FAT4: variants seen among roughly 807,000 people sequenced by gnomAD.
The protein encoded by FAT4 is protocadherin Fat 4.
Under a neutral mutation model 303.9 loss-of-function variants are expected in FAT4, and 84 were observed. The observed-to-expected ratio is 0.28, with a 90% CI of 0.23 to 0.33. FAT4 has a LOEUF of 0.33. Ranked by LOEUF, FAT4 falls within the 10% of genes least tolerant of loss-of-function variation. FAT4 has a pLI of 1.00. For missense variants in FAT4, 6,005 were observed against 6,146.8 expected, an observed-to-expected ratio of 0.98 and a Z score of 0.77; for synonymous variants, 2,307 against 2,298.8, an observed-to-expected ratio of 1.00 and a Z score of -0.10.
chr4:125,369,857 A>G (rs755703310), intron 2 of FAT4, among the ~76,000 whole-genome samples: 8 of 152,158 alleles, frequency 5.3e-5, no homozygotes, highest in Non-Finnish European at 1.2e-4. Context: ...AACTGATATA[A>G]ATGGAATCAT....
intron 2 of FAT4, among the ~76,000 whole-genome samples, chr4:125,385,891 T>C (rs772151381): frequency 1.3e-5 from 2 of 152,186 alleles, no homozygotes; most frequent in Non-Finnish European, 2.9e-5. Context: ...GTTGGTACTT[T>C]GGTTTTGACA....
chr4:125,482,309 A>G (rs899640651), intron 16 of FAT4, among the ~76,000 whole-genome samples: 3 of 152,196 alleles, frequency 2.0e-5, no homozygotes, highest in Admixed American at 2.0e-4. Context: ...TAATTTTTAA[A>G]TAATCTTAAA....
In FAT4 at chr4:125,451,933, G is replaced by A. The variant is rs1726094924; in HGVS notation, c.10923G>A (p.Gln3641=). 1 of 1,613,996 alleles carries A rather than the reference G, an allele frequency of 6.2e-7. No homozygotes were observed. Among genetic ancestry groups the A allele is most frequent in the South Asian group, 1.1e-5 (1 of 91,080 alleles). Residue 3641 remains glutamine (Q), a synonymous_variant, in exon 10 of 18, where the codon CAG becomes CAA. Coordinates refer to ENST00000394329, the MANE Select transcript of FAT4 (RefSeq NM_001291303.3). ...PGGILGSVKP[Q]DPDVLDSFHC... ...GGATTTTAGGCTCTGTGAAGCCACA[G>A]GATCCAGATGTGTTAGACAGCTTCC...
intron 8 of FAT4, 136 bp downstream of exon 8, chr4:125,434,561 C>A: frequency 1.6e-6 from 1 of 635,576 alleles, no homozygotes; most frequent in Non-Finnish European, 2.6e-6. Context: ...TTGCTGATAG[C>A]CAACAATTCA....
At chr4:125,364,369 C>A (rs1471712706) in intron 2 of FAT4, among the ~76,000 whole-genome samples, 1 of 152,058 alleles carries the variant, frequency 6.6e-6, no homozygotes, top group Non-Finnish European at 1.5e-5. Context: ...TGTGCTGGAC[C>A]TAGAAATTTA....
At chr4:125,372,042 G>A (rs1394782010) in intron 2 of FAT4, among the ~76,000 whole-genome samples, 1 of 151,982 alleles carries the variant, frequency 6.6e-6, no homozygotes, top group Non-Finnish European at 1.5e-5. Flanking sequence ...CAGTAAATAA[G>A]TCTTTTAAAA....
chr4:125,379,954 C>T (rs192883279), intron 2 of FAT4, among the ~76,000 whole-genome samples: 123 of 152,080 alleles, frequency 8.1e-4, no homozygotes, highest in African/African-American at 2.1e-3. Context: ...AGTGCAGTGG[C>T]GCGATCTGGG....
chr4:125,401,832 G>A (rs1734400820), intron 3 of FAT4, among the ~76,000 whole-genome samples: 1 of 151,574 alleles, frequency 6.6e-6, no homozygotes, highest in Non-Finnish European at 1.5e-5. Context: ...GTTCTAATAT[G>A]CATTTGAAAT....
intron 2 of FAT4, among the ~76,000 whole-genome samples, chr4:125,374,231 T>A (rs1342530212): frequency 1.3e-5 from 2 of 152,114 alleles, no homozygotes; most frequent in Non-Finnish European, 2.9e-5. Context: ...TTCTCCTACA[T>A]CCCTCGTTGT....
chr4:125,421,305 A>C (rs1209218638), intron 7 of FAT4, among the ~76,000 whole-genome samples: 1 of 152,124 alleles, frequency 6.6e-6, no homozygotes, highest in Non-Finnish European at 1.5e-5. Flanking sequence ...ATATCTAAGC[A>C]CTTTCTAAGC....
intron 3 of FAT4, among the ~76,000 whole-genome samples, chr4:125,400,975 A>G (rs1263132670): frequency 2.6e-5 from 4 of 151,990 alleles, no homozygotes; most frequent in Non-Finnish European, 5.9e-5. Context: ...GAAGGCATAA[A>G]AATCACCACA....
chr4:125,354,257 A>G (rs1278145617), intron 2 of FAT4, among the ~76,000 whole-genome samples: 1 of 151,718 alleles, frequency 6.6e-6, no homozygotes, highest in Non-Finnish European at 1.5e-5. Flanking sequence ...AATTAATATA[A>G]AGTTTTAATA....
At chr4:125,389,519 C>G (rs969602616) in intron 2 of FAT4, among the ~76,000 whole-genome samples, 1 of 152,030 alleles carries the variant, frequency 6.6e-6, no homozygotes, top group Non-Finnish European at 1.5e-5. Flanking sequence ...ATTTCTGAAA[C>G]TTAAGTAGAG....
chr4:125,417,458 CA>C (rs776605577), intron 7 of FAT4, among the ~76,000 whole-genome samples: 5 of 152,042 alleles, frequency 3.3e-5, no homozygotes, highest in African/African-American at 9.7e-5. Flanking sequence ...AAATCAGGGT[CA>C]GGGGGAAACC....
rs150004114 is a variant in FAT4, at chr4:125,360,183, G to A, written c.5175+38597G>A. 4.3e-4 allele frequency among the ~76,000 whole-genome samples: 65 copies of A among 151,948 alleles called. 1 individual carries two copies. In the East Asian group the frequency reaches 0.011, roughly 27 times the overall value. ...CCCTTCGCAATATTTCCTCCTTTAC[G>A]CATTGCTAGCACCAGCACTTCCACT... On this transcript the variant is annotated intron_variant, in intron 2 of 17. Transcript: ENST00000394329.
At chr4:125,457,692 A>C (rs1186310694) in intron 10 of FAT4, among the ~76,000 whole-genome samples, 2 of 151,958 alleles carry the variant, frequency 1.3e-5, no homozygotes, top group Admixed American at 1.3e-4. Flanking sequence ...AAGATGGATA[A>C]AGTTTATTAT....
chr4:125,445,663 G>A lies in FAT4; in HGVS notation c.7200-630G>A, dbSNP rs375120527. On this transcript the variant is annotated intron_variant, in intron 8 of 17. Transcript: ENST00000394329. ...CTTTTCTCAGTGGAAACTCTTGCCC[G>A]TTAACCTATCTGGTTAGCATCAAAA... Among the ~76,000 whole-genome samples the A allele has an allele frequency of 2.6e-4, 39 of 152,068 alleles. No individual in the cohort carries two copies. In the Middle Eastern group the frequency reaches 0.014, roughly 53 times the overall value.
intron 3 of FAT4, among the ~76,000 whole-genome samples, chr4:125,399,758 C>A (rs2126013452): frequency 6.6e-6 from 1 of 152,008 alleles, no homozygotes; most frequent in East Asian, 1.9e-4. Flanking sequence ...CTAACTATTA[C>A]AAATGAACAA....
At chr4:125,412,102 A>G (rs1734871486) in intron 5 of FAT4, among the ~76,000 whole-genome samples, 1 of 151,838 alleles carries the variant, frequency 6.6e-6, no homozygotes, top group African/African-American at 2.4e-5. Context: ...TTACTGTCTC[A>G]TGGTTCAGAT....
Sources: gnomAD v4.1 joint callset for allele counts (sites outside exome capture counted in the v4.1 genomes callset) on GRCh38, gnomAD v4.1.1 for gene constraint, MANE v1.5 for transcripts, NCBI Gene and HGNC (gene_info 2026-07-23, HGNC 2026-07-21) for gene names.